PRDM16: variants seen among roughly 807,000 people sequenced by gnomAD.
PRDM16 encodes PR/SET domain 16.
PRDM16 carries 23 observed loss-of-function variants against 110.6 expected under a neutral mutation model. The ratio of observed to expected loss-of-function variants is 0.21; its 90% CI spans 0.15 to 0.29. The LOEUF is 0.29. Ranked by LOEUF, PRDM16 falls within the 10% of genes least tolerant of loss-of-function variation. The pLI is 1.00. For missense variants in PRDM16, 1,615 were observed against 1,794.3 expected (o/e 0.90, Z 1.81); for synonymous variants, 799 against 781.8 (o/e 1.02, Z -0.37).
chr1:3,082,040 C>T lies in PRDM16; in HGVS notation c.37+12744C>T, dbSNP rs138440626. Among the ~76,000 whole-genome samples the T allele has an allele frequency of 2.7e-3, 406 of 152,322 alleles. 1 individual carries two copies. Among genetic ancestry groups the T allele is most frequent in the Non-Finnish European group, 4.1e-3 (280 of 68,028 alleles). On this transcript the variant is annotated intron_variant, in intron 1 of 16. Coordinates refer to ENST00000270722, the MANE Select transcript of PRDM16 (RefSeq NM_022114.4). ...CTGAAATTCCCTTGACGCCTCAAAT[C>T]GAACACCGCCAGCCTCCAGCCTCAG... is the stretch of plus-strand genomic sequence containing the variant.
rs749887517 is a variant in PRDM16 at position 3,208,253 on chromosome 1, G to A, written c.387+21779G>A. The stretch of plus-strand genomic sequence containing the variant: ...CCTCTTCTTCCCGGGATCTTGTTCC[G>A]ACCTTTGCTTAAAGCAGTTTCCCCA... On this transcript the variant is annotated intron_variant, in intron 2 of 16. Transcript: ENST00000270722. This position sits in a 1 kb window ranked among gnomAD's most constrained non-coding sequence, Gnocchi z 6.1. 1.3e-5 allele frequency: 2 copies of A among 152,208 alleles called. No individual in the cohort carries two copies. The highest frequency in any genetic ancestry group is 2.1e-4 in the South Asian group (1 of 4,832). 9.4% of individuals were successfully genotyped at this position (152,208 alleles called of 1,614,324 possible).
At chr1:3,150,184 T>G (rs763695476) in intron 1 of PRDM16, among the ~76,000 whole-genome samples, 16 of 152,222 alleles carry the variant, frequency 1.1e-4, no homozygotes, top group Admixed American at 2.6e-4. Context: ...GGGAGAGCCA[T>G]GTAACCTTCC....
At chr1:3,328,637 T>A (rs969449687) in intron 3 of PRDM16, among the ~76,000 whole-genome samples, 34 of 152,252 alleles carry the variant, frequency 2.2e-4, no homozygotes, top group African/African-American at 7.5e-4. Context: ...AACAGAGGCC[T>A]GAACAGATGC....
intron 3 of PRDM16, among the ~76,000 whole-genome samples, chr1:3,330,685 C>A (rs1642023882): frequency 6.6e-6 from 1 of 152,230 alleles, no homozygotes; most frequent in South Asian, 2.1e-4. Flanking sequence ...AGTCCAATGG[C>A]AGAACAAACA....
chr1:3,404,177 G>A (rs532337383), intron 6 of PRDM16, among the ~76,000 whole-genome samples: 3 of 152,290 alleles, frequency 2.0e-5, no homozygotes, highest in South Asian at 4.1e-4. Context: ...GGGAAGCCGG[G>A]GGTCCCCCAA....
intron 3 of PRDM16, among the ~76,000 whole-genome samples, chr1:3,287,987 C>T (rs1174851387): frequency 6.6e-6 from 1 of 152,252 alleles, no homozygotes; most frequent in Non-Finnish European, 1.5e-5. Flanking sequence ...TGCTGAGTTA[C>T]AGGCAGAGCC....
intron 4 of PRDM16, among the ~76,000 whole-genome samples, chr1:3,394,994 T>C (rs1643363947): frequency 6.6e-6 from 1 of 152,230 alleles, no homozygotes; most frequent in Non-Finnish European, 1.5e-5. Context: ...TAAGGGAACT[T>C]CACACACTAC....
chr1:3,274,463 G>A (rs910001906), intron 3 of PRDM16, among the ~76,000 whole-genome samples: 1 of 152,172 alleles, frequency 6.6e-6, no homozygotes, highest in Non-Finnish European at 1.5e-5. Context: ...GATTACTGCT[G>A]GCATGGGCTC....
Position 3,167,533 on chromosome 1 carries a change from A to C in PRDM16, c.38-18592A>C, listed in dbSNP as rs182983435. On this transcript the variant is annotated intron_variant, in intron 1 of 16. Transcript: ENST00000270722. ...ACAGGTGAAGAAGGTGCCAACCCGG[A>C]GCCTCCTCCCAGCGCCTCTGTGGCA... Among the ~76,000 whole-genome samples the C allele has an allele frequency of 4.2e-3, 637 of 151,598 alleles. 10 individuals carry two copies. Among genetic ancestry groups the C allele is most frequent in the Admixed American group, 0.025 (381 of 15,202 alleles).
chr1:3,212,429 C>T (rs1390832533), intron 2 of PRDM16, among the ~76,000 whole-genome samples: 1 of 152,122 alleles, frequency 6.6e-6, no homozygotes, highest in African/African-American at 2.4e-5. Context: ...GGAGTCCAGG[C>T]CTGGAGCCGG....
intron 3 of PRDM16, among the ~76,000 whole-genome samples, chr1:3,278,902 G>T (rs115621652): frequency 2.0e-5 from 3 of 152,184 alleles, no homozygotes; most frequent in Non-Finnish European, 4.4e-5. Flanking sequence ...TCAGCGAGCC[G>T]TGGCCTCTCC....
chr1:3,423,270 G>T (rs933958590), intron 12 of PRDM16, among the ~76,000 whole-genome samples: 1 of 152,166 alleles, frequency 6.6e-6, no homozygotes, highest in East Asian at 1.9e-4. Context: ...GGGGAGACTC[G>T]CAGGCTCTGA....
At chr1:3,407,127 T>G (rs1316595015) in intron 8 of PRDM16, among the ~76,000 whole-genome samples, 3 of 152,160 alleles carry the variant, frequency 2.0e-5, no homozygotes, top group Non-Finnish European at 2.9e-5. Flanking sequence ...GCTGGGAGCT[T>G]GGGAACCTGG....
intron 3 of PRDM16, among the ~76,000 whole-genome samples, chr1:3,313,731 T>G (rs1205613836): frequency 1.3e-5 from 2 of 152,298 alleles, no homozygotes; most frequent in Admixed American, 1.3e-4. Context: ...CGCCGCCTCC[T>G]GCCCCGGCGG....
intron 1 of PRDM16, among the ~76,000 whole-genome samples, chr1:3,149,489 T>G (rs1643737926): frequency 6.6e-6 from 1 of 152,136 alleles, no homozygotes; most frequent in South Asian, 2.1e-4. Context: ...CACTCCTGGC[T>G]GAGGACGTCA....
intron 12 of PRDM16, among the ~76,000 whole-genome samples, chr1:3,419,775 G>T (rs1420854054): frequency 6.6e-6 from 1 of 152,062 alleles, no homozygotes; most frequent in African/African-American, 2.4e-5. Flanking sequence ...AGGCACCTGT[G>T]CATGTCGTGG....
At chr1:3,106,273 G>T (rs1272674770) in intron 1 of PRDM16, among the ~76,000 whole-genome samples, 1 of 152,232 alleles carries the variant, frequency 6.6e-6, no homozygotes, top group Non-Finnish European at 1.5e-5. Flanking sequence ...CGATGGGGGT[G>T]TCCAACCTGG....
chr1:3,396,458 A>C, intron 4 of PRDM16, 33 bp from the exon 5 acceptor site: 1 of 1,240,790 alleles, frequency 8.1e-7, no homozygotes, highest in East Asian at 2.4e-5. Context: ...AACAAACCAC[A>C]CTCACCCTTT....
intron 1 of PRDM16, among the ~76,000 whole-genome samples, chr1:3,114,322 C>T (rs910915860): frequency 6.8e-5 from 10 of 147,792 alleles, no homozygotes; most frequent in East Asian, 2.1e-4. Context: ...CACGCACACA[C>T]GCAGTGTAAA....
Sources: allele counts gnomAD v4.1 joint callset (sites outside exome capture counted in the v4.1 genomes callset), GRCh38; gene constraint gnomAD v4.1.1; non-coding constraint Gnocchi (gnomAD v3.1); transcripts MANE v1.5; gene names NCBI Gene and HGNC (gene_info 2026-07-23, HGNC 2026-07-21).